PDE4DIP: variants seen among roughly 807,000 people sequenced by gnomAD.
The protein encoded by PDE4DIP is phosphodiesterase 4D interacting protein.
In PDE4DIP, 59 loss-of-function variants were observed where a neutral mutation model predicts 221.4. The observed-to-expected ratio is 0.27, with a 90% confidence interval of 0.22 to 0.33. The LOEUF (loss-of-function observed/expected upper bound fraction) is 0.33, where lower values mean the gene tolerates loss of function less well. PDE4DIP is among the 10% of genes least tolerant of loss of function. PDE4DIP has a pLI of 1.00. For missense variants in PDE4DIP, 1,036 were observed against 2,154.2 expected (o/e 0.48, Z 10.28); for synonymous variants, 404 against 815.9 (o/e 0.50, Z 8.60).
At chr1:149,017,017 G>A (rs1374032730) in intron 33 of PDE4DIP, among the ~76,000 whole-genome samples, 7 of 152,094 alleles carry the variant, frequency 4.6e-5, no homozygotes, top group African/African-American at 9.7e-5. Context: ...GAGATGCCGC[G>A]CAGTTCCAAC....
At chr1:148,933,544 T>C (rs2048532830) in intron 4 of PDE4DIP, among the ~76,000 whole-genome samples, 1 of 152,224 alleles carries the variant, frequency 6.6e-6, no homozygotes, top group Non-Finnish European at 1.5e-5. Flanking sequence ...TCAGAGTAGT[T>C]CTGAAATAGA....
chr1:148,818,111 G>A (rs1192595397), intron 1 of PDE4DIP, among the ~76,000 whole-genome samples: 11 of 149,202 alleles, frequency 7.4e-5, no homozygotes, highest in East Asian at 3.9e-4. Context: ...ACTGTGCCCC[G>A]CCCATGTATT....
chr1:148,981,616 C>G, intron 21 of PDE4DIP: 1 of 522,540 alleles, frequency 1.9e-6, no homozygotes, highest in Non-Finnish European at 3.5e-6. Flanking sequence ...TCTCACTGTA[C>G]ATACATATCA....
upstream of PDE4DIP, among the ~76,000 whole-genome samples, chr1:148,886,959 GT>G: frequency 6.6e-6 from 1 of 151,722 alleles, no homozygotes; most frequent in Non-Finnish European, 1.5e-5. Context: ...GGATAAAAAT[GT>G]GAAGAGAAAA....
At chr1:149,029,195 G>A (rs2076013333) in intron 41 of PDE4DIP, among the ~76,000 whole-genome samples, 1 of 152,122 alleles carries the variant, frequency 6.6e-6, no homozygotes, top group African/African-American at 2.4e-5. Flanking sequence ...GGGAAAGTCA[G>A]CCACCCCTCA....
At chr1:148,995,458 C>G in intron 22 of PDE4DIP, among the ~76,000 whole-genome samples, 1 of 151,716 alleles carries the variant, frequency 6.6e-6, no homozygotes, top group Admixed American at 6.6e-5. Context: ...AACATTGGGA[C>G]AGATACGAAG....
At chr1:149,015,783 G>A (rs2070318615) in intron 32 of PDE4DIP, among the ~76,000 whole-genome samples, 1 of 151,838 alleles carries the variant, frequency 6.6e-6, no homozygotes, top group Non-Finnish European at 1.5e-5. Flanking sequence ...GGAGGAACTA[G>A]GGCCACCATA....
At chr1:148,903,135 G>A (rs1450328443) in intron 1 of PDE4DIP, among the ~76,000 whole-genome samples, 6 of 150,586 alleles carry the variant, frequency 4.0e-5, no homozygotes, top group Non-Finnish European at 8.9e-5. Flanking sequence ...TTGTGGTTTT[G>A]ATTTGCATTT....
chr1:149,010,587 C>A, exon 31 of PDE4DIP: 1 of 1,613,996 alleles, frequency 6.2e-7, no homozygotes, highest in Non-Finnish European at 8.5e-7. Context: ...GCCAACCAGG[C>A]CCATTCAGGT....
intron 5 of PDE4DIP, among the ~76,000 whole-genome samples, chr1:148,940,496 A>G (rs1341585566): frequency 1.3e-5 from 2 of 150,404 alleles, no homozygotes; most frequent in Non-Finnish European, 1.5e-5. Flanking sequence ...ATTCATTTTC[A>G]TAGGAAATGA....
intron 5 of PDE4DIP, among the ~76,000 whole-genome samples, chr1:148,950,887 AC>A (rs2053032047): frequency 6.8e-6 from 1 of 147,264 alleles, no homozygotes. Context: ...CTTTTCTCTT[AC>A]AATGGAGCTA....
At chr1:148,968,661 G>A (rs2058632379) in intron 13 of PDE4DIP, among the ~76,000 whole-genome samples, 175 bp from the exon 17 acceptor site, 1 of 152,166 alleles carries the variant, frequency 6.6e-6, no homozygotes, top group Admixed American at 6.5e-5. Context: ...TGTATTTAGA[G>A]ACTTCTGTGT....
intron 5 of PDE4DIP, chr1:148,952,003 G>T (rs1269138849): frequency 1.0e-6 from 1 of 952,624 alleles, no homozygotes; most frequent in African/African-American, 1.8e-5. Flanking sequence ...GGCGCGCAGC[G>T]GTACCTAGCG....
intron 37 of PDE4DIP, among the ~76,000 whole-genome samples, chr1:149,023,936 G>T (rs63449460): frequency 0.013 from 1,845 of 145,336 alleles, 31 homozygotes; most frequent in African/African-American, 0.042. Flanking sequence ...CATATATATA[G>T]AGAGAGAGAG....
At chr1:148,935,129 G>A (rs200401323) in intron 4 of PDE4DIP, among the ~76,000 whole-genome samples, 12 of 151,904 alleles carry the variant, frequency 7.9e-5, no homozygotes, top group East Asian at 3.9e-4. Flanking sequence ...CAGGAGAATC[G>A]CTTGAACCAG....
At chr1:149,009,608 G>T in exon 30 of PDE4DIP, 2 of 1,613,750 alleles carry the variant, frequency 1.2e-6, no homozygotes, top group Non-Finnish European at 1.7e-6. Flanking sequence ...AGTGATTGAA[G>T]TCCTGCAGGC....
intron 19 of PDE4DIP, 139 bp downstream of exon 22, chr1:148,978,554 G>A (rs1261452639): frequency 1.2e-5 from 7 of 572,698 alleles, no homozygotes; most frequent in African/African-American, 9.6e-5. Context: ...CATCCTCCTC[G>A]GCCCCTCAAA....
chr1:149,030,903 A>C (rs1553636610), intron 43 of PDE4DIP: 1 of 468,258 alleles, frequency 2.1e-6, no homozygotes, highest in African/African-American at 2.1e-5. Flanking sequence ...CTAAGTGTTA[A>C]TCATTCCCTA....
At position 149,026,833 on chromosome 1, in the gene PDE4DIP, TA is replaced by T. The variant is rs1177285701; in HGVS notation, c.6442+5del. 1 of 580,758 alleles carries T rather than the reference TA, an allele frequency of 1.7e-6. No individual in the cohort carries two copies. The highest frequency in any genetic ancestry group is 2.0e-5 in the African/African-American group (1 of 50,788). 36.0% of individuals were successfully genotyped at this position (580,758 alleles called of 1,614,324 possible). On this transcript the variant is annotated splice_donor_region_variant and intron_variant, in intron 39 of 43. Coordinates refer to ENST00000369354, the Ensembl canonical transcript of PDE4DIP. The stretch of plus-strand genomic sequence containing the variant: ...CGCCCATAATCAACAGAGCAAATGG[TA>T]AATATGGCAACTAAAGGGCCCAGGG...
Sources: gnomAD v4.1 joint callset for allele counts (sites outside exome capture counted in the v4.1 genomes callset) on GRCh38, gnomAD v4.1.1 for gene constraint, MANE v1.5 for transcripts, NCBI Gene and HGNC (gene_info 2026-07-23, HGNC 2026-07-21) for gene names.